The following PCDHGB1 variants were observed in gnomAD, a reference collection of about 807,000 sequenced individuals.
PCDHGB1 encodes protocadherin gamma-B1.
A neutral mutation model predicts 56.6 loss-of-function variants in PCDHGB1; 34 were observed. The observed-to-expected ratio is 0.60, with a 90% CI of 0.46 to 0.80. The LOEUF is 0.80. Among genes scored for constraint, PCDHGB1 ranks in the 30% least tolerant of loss-of-function variants. PCDHGB1 has a pLI of 0.00. For synonymous variants in PCDHGB1, 561 were observed against 505.9 expected (o/e 1.11, Z -1.46); for missense variants, 1,278 against 1,204.6 (o/e 1.06, Z -0.90).
rs145936007 is a variant in PCDHGB1, at chr5:141,490,795, C to T, written c.2410-4012C>T. 2.0e-5 allele frequency: 33 copies of T among 1,614,036 alleles called. No homozygotes were observed. Among genetic ancestry groups the T allele is most frequent in the Non-Finnish European group, 2.8e-5 (33 of 1,179,922 alleles). ...CCCAGAGGATGGACGGATCTTTGCC[C>T]AGCGTACCTTTGACTATGAATTGCT... On this transcript the variant is annotated intron_variant, in intron 1 of 3. Coordinates refer to ENST00000523390, the MANE Select transcript of PCDHGB1 (RefSeq NM_018922.3). This position sits in a 1 kb window ranked among gnomAD's most constrained non-coding sequence, Gnocchi z 5.4.
chr5:141,415,752 T>G lies in PCDHGB1; in HGVS notation c.2409+63083T>G, dbSNP rs981275270. ...GATGTTTATTAAGGTTTTTTTTTTT[T>G]TTTTTTTTTTTTTTTTTTTTACTTT... On this transcript the variant is annotated intron_variant, in intron 1 of 3. Transcript: ENST00000523390. 5.6e-5 allele frequency: 77 copies of G among 1,372,446 alleles called. No individual in the cohort carries two copies. In the East Asian group the frequency reaches 6.8e-4, roughly 12 times the overall value. 85.0% of individuals were successfully genotyped at this position (1,372,446 alleles called of 1,614,324 possible).
intron 1 of PCDHGB1, among the ~76,000 whole-genome samples, chr5:141,380,809 T>G (rs1475702152): frequency 6.6e-6 from 1 of 152,192 alleles, no homozygotes; most frequent in Non-Finnish European, 1.5e-5. Flanking sequence ...AAATGTGAGA[T>G]GAAACTATGA....
intron 1 of PCDHGB1, chr5:141,389,228 G>A (rs1172706843): frequency 2.5e-6 from 4 of 1,614,024 alleles, no homozygotes; most frequent in African/African-American, 2.7e-5. Context: ...ACAACGCTCC[G>A]GTTTTCTCAC....
intron 1 of PCDHGB1, chr5:141,418,598 T>G: frequency 6.2e-7 from 1 of 1,614,010 alleles, no homozygotes; most frequent in Non-Finnish European, 8.5e-7. Flanking sequence ...CCAGGACGTG[T>G]ACAGGGTTAG....
rs189836587 is a variant in PCDHGB1, at chr5:141,376,293, G to A, written c.2409+23624G>A. 14 of 1,614,094 alleles carry A rather than the reference G, an allele frequency of 8.7e-6. No homozygotes were observed. In the Admixed American group the frequency reaches 2.0e-4, roughly 23 times the overall value. On this transcript the variant is annotated intron_variant, in intron 1 of 3. Coordinates refer to ENST00000523390, the MANE Select transcript of PCDHGB1 (RefSeq NM_018922.3). ...GGAGGTGGCTTAGCGAGCATGCCCG[G>A]CTCGCACTTTGTGGGCGTGGAAGGG... is the stretch of plus-strand genomic sequence containing the variant.
At chr5:141,388,590 A>G in intron 1 of PCDHGB1, 9 of 1,613,920 alleles carry the variant, frequency 5.6e-6, no homozygotes, top group Non-Finnish European at 7.6e-6. Flanking sequence ...GACTGATGCC[A>G]ATGATAATGC....
intron 1 of PCDHGB1, among the ~76,000 whole-genome samples, chr5:141,407,170 AC>A (rs2154538102): frequency 6.6e-6 from 1 of 152,368 alleles, no homozygotes; most frequent in Admixed American, 6.5e-5. Flanking sequence ...ATCCTTTATG[AC>A]ATACAGACAT....
intron 1 of PCDHGB1, chr5:141,414,697 T>C (rs748722995): frequency 6.2e-7 from 1 of 1,614,036 alleles, no homozygotes; most frequent in Non-Finnish European, 8.5e-7. Flanking sequence ...TCTGTCCTCA[T>C]ACATATCCAT....
Position 141,394,457 on chromosome 5 carries a change from G to A in PCDHGB1, c.2409+41788G>A, listed in dbSNP as rs375756271. 4 of 1,614,096 alleles carry A rather than the reference G, an allele frequency of 2.5e-6. No homozygotes were observed. The African/African-American group carries it at 4.0e-5, about 16-fold the overall frequency. On this transcript the variant is annotated intron_variant, in intron 1 of 3. Transcript: ENST00000523390. Reference sequence around the variant, plus strand: ...CGCCCCTCAGCAGCAACATGTCACTGAGCCTGTTCGTGCTGGACCAGAATG... The same window carrying A: ...CGCCCCTCAGCAGCAACATGTCACTAAGCCTGTTCGTGCTGGACCAGAATG...
chr5:141,501,836 T>G (rs2099811283), intron 2 of PCDHGB1, among the ~76,000 whole-genome samples: 1 of 152,136 alleles, frequency 6.6e-6, no homozygotes, highest in Non-Finnish European at 1.5e-5. Context: ...CCCACCTGTT[T>G]GGCCCTCAAC....
chr5:141,413,298 G>A (rs1672233901), intron 1 of PCDHGB1: 3 of 1,613,950 alleles, frequency 1.9e-6, no homozygotes, highest in Non-Finnish European at 2.5e-6. Context: ...CAATTCCTGA[G>A]GAATTAGAGA....
chr5:141,371,658 A>G (rs764550191), intron 1 of PCDHGB1: 3 of 1,614,038 alleles, frequency 1.9e-6, no homozygotes, highest in Non-Finnish European at 1.7e-6. Flanking sequence ...CAATGTGACG[A>G]TCACAGCTAC....
chr5:141,431,442 TCC>T lies in PCDHGB1; in HGVS notation c.2410-63364_2410-63363del. ...CCGGTGCGCACAGGCACCGCGCGCATCCGCGTGATGGTTCTGGATGCGAACGA... is the reference window on the plus strand; with the variant it reads ...CCGGTGCGCACAGGCACCGCGCGCATGCGTGATGGTTCTGGATGCGAACGA... On this transcript the variant is annotated intron_variant, in intron 1 of 3. Transcript: ENST00000523390. This position sits in a 1 kb window ranked among gnomAD's most constrained non-coding sequence, Gnocchi z 4.8. 1 of 1,613,746 alleles carries T rather than the reference TCC, an allele frequency of 6.2e-7. No homozygotes were observed. The highest frequency in any genetic ancestry group is 1.3e-5 in the African/African-American group (1 of 75,074).
chr5:141,431,424 G>T lies in PCDHGB1; in HGVS notation c.2410-63383G>T, dbSNP rs747132868. 6.8e-6 allele frequency: 11 copies of T among 1,613,676 alleles called. No homozygotes were observed. The highest frequency in any genetic ancestry group is 5.9e-6 in the Non-Finnish European group (7 of 1,180,028). On this transcript the variant is annotated intron_variant, in intron 1 of 3. Coordinates refer to ENST00000523390, the MANE Select transcript of PCDHGB1 (RefSeq NM_018922.3). The surrounding 1 kb of genome is among the most constrained non-coding windows in gnomAD (Gnocchi z 4.8). ...GCCTCCGACGGGGGCGACCCGGTGC[G>T]CACAGGCACCGCGCGCATCCGCGTG...
chr5:141,398,900 G>C (rs765284630), intron 1 of PCDHGB1: 1 of 1,613,964 alleles, frequency 6.2e-7, no homozygotes, highest in South Asian at 1.1e-5. Context: ...GTGCCACCAG[G>C]CACCACTGTG....
In PCDHGB1 at chr5:141,432,853, C is replaced by A. The variant is rs748301578; in HGVS notation, c.2410-61954C>A. 1.1e-5 allele frequency: 17 copies of A among 1,614,176 alleles called. No homozygotes were observed. Among genetic ancestry groups the A allele is most frequent in the East Asian group, 4.5e-5 (2 of 44,874 alleles). On this transcript the variant is annotated intron_variant, in intron 1 of 3. Transcript: ENST00000523390. The surrounding 1 kb of genome is among the most constrained non-coding windows in gnomAD (Gnocchi z 6.0). ...CTCTGTACCTGGTGGTAGCGGTGGC[C>A]GCGGTCTCCTGCGTCTTCCTGGCCT...
At chr5:141,506,566 T>C (rs909998933) in intron 3 of PCDHGB1, among the ~76,000 whole-genome samples, 33 of 152,022 alleles carry the variant, frequency 2.2e-4, no homozygotes, top group Non-Finnish European at 2.9e-5. Flanking sequence ...ACCCCCTCGG[T>C]TTCACTTACT....
Position 141,418,036 on chromosome 5 carries a change from G to C in PCDHGB1, c.2409+65367G>C, listed in dbSNP as rs933500300. ...CTAAGGATCTAGGGCTTAGTGTCCT[G>C]GATGTGTCGGCTCGCGAGCTGCGAG... On this transcript the variant is annotated intron_variant, in intron 1 of 3. Coordinates refer to ENST00000523390, the MANE Select transcript of PCDHGB1 (RefSeq NM_018922.3). 3.7e-6 allele frequency: 6 copies of C among 1,613,902 alleles called. No individual in the cohort carries two copies. The African/African-American group carries it at 8.0e-5, about 22-fold the overall frequency.
chr5:141,454,272 A>G (rs1226625529), intron 1 of PCDHGB1, among the ~76,000 whole-genome samples: 1 of 152,200 alleles, frequency 6.6e-6, no homozygotes, highest in Non-Finnish European at 1.5e-5. Context: ...ATGCCAGCAA[A>G]AACTTCACAT....
Sources: gnomAD v4.1 joint callset for allele counts (sites outside exome capture counted in the v4.1 genomes callset) on GRCh38, gnomAD v4.1.1 for gene constraint, Gnocchi (gnomAD v3.1) non-coding constraint, MANE v1.5 for transcripts, NCBI Gene and HGNC (gene_info 2026-07-23, HGNC 2026-07-21) for gene names.